The following SLC8A1 variants were observed in gnomAD, a reference collection of about 807,000 sequenced individuals.
The protein encoded by SLC8A1 is solute carrier family 8 member A1.
SLC8A1 carries 18 observed loss-of-function variants against 68.3 expected under a neutral mutation model. The ratio of observed to expected loss-of-function variants is 0.26; its 90% CI spans 0.18 to 0.39. The LOEUF is 0.39. Ranked by LOEUF, SLC8A1 falls within the 10% of genes least tolerant of loss-of-function variation. The pLI is 1.00. For synonymous variants in SLC8A1, 475 were observed against 415.5 expected (o/e 1.14, Z -1.74); for missense variants, 985 against 1,156.7 (o/e 0.85, Z 2.15).
intron 2 of SLC8A1, among the ~76,000 whole-genome samples, chr2:40,342,335 A>G (rs1020384014): frequency 6.6e-6 from 1 of 152,060 alleles, no homozygotes. Context: ...ATAAATGAAT[A>G]AGCTATTTGA....
At chr2:40,408,077 G>C (rs1254356316) in intron 2 of SLC8A1, among the ~76,000 whole-genome samples, 1 of 152,186 alleles carries the variant, frequency 6.6e-6, no homozygotes, top group African/African-American at 2.4e-5. Context: ...CAGCATGCCA[G>C]AATGTCAGTT....
chr2:40,120,130 G>A (rs1480015885), intron 7 of SLC8A1, among the ~76,000 whole-genome samples: 1 of 152,204 alleles, frequency 6.6e-6, no homozygotes, highest in East Asian at 1.9e-4. Flanking sequence ...TCACAGTCTT[G>A]CAGGATGGAT....
chr2:40,308,088 A>G (rs1326521802), intron 2 of SLC8A1, among the ~76,000 whole-genome samples: 1 of 152,206 alleles, frequency 6.6e-6, no homozygotes, highest in East Asian at 1.9e-4. Context: ...CTCAAGCCTA[A>G]GAAACCCCAT....
chr2:40,359,089 A>G (rs1271868147), intron 2 of SLC8A1, among the ~76,000 whole-genome samples: 1 of 152,136 alleles, frequency 6.6e-6, no homozygotes, highest in Non-Finnish European at 1.5e-5. Context: ...AAAAGAAGTG[A>G]AAGTGAAGCT....
At chr2:40,415,311 C>T (rs541552239) in intron 2 of SLC8A1, among the ~76,000 whole-genome samples, 36 of 152,080 alleles carry the variant, frequency 2.4e-4, no homozygotes, top group African/African-American at 7.0e-4. Flanking sequence ...TAATTGGTAA[C>T]GGTTTTGACT....
At chr2:40,361,893 T>G in intron 2 of SLC8A1, among the ~76,000 whole-genome samples, 1 of 109,076 alleles carries the variant, frequency 9.2e-6, no homozygotes, top group South Asian at 3.2e-4. Context: ...TTTCCTTTTT[T>G]TTTTTTTTTT....
intron 2 of SLC8A1, among the ~76,000 whole-genome samples, chr2:40,407,460 GTTTC>G (rs1018923705): frequency 2.0e-5 from 3 of 152,188 alleles, no homozygotes; most frequent in African/African-American, 7.2e-5. Flanking sequence ...AACGTCAGTG[GTTTC>G]TTTTTTATTG....
At chr2:40,430,369 C>T in intron 1 of SLC8A1, 65 bp from the exon 2 acceptor site, 1 of 1,442,982 alleles carries the variant, frequency 6.9e-7, no homozygotes, top group Non-Finnish European at 9.2e-7. Flanking sequence ...GCAGCCAAAG[C>T]ATTACTAATT....
intron 2 of SLC8A1, among the ~76,000 whole-genome samples, chr2:40,194,031 C>T (rs2052432519): frequency 6.6e-6 from 1 of 152,058 alleles, no homozygotes; most frequent in South Asian, 2.1e-4. Context: ...GTTCCTCTGC[C>T]AAGATCAATT....
At chr2:40,445,265 T>C (rs1460943897) in intron 1 of SLC8A1, among the ~76,000 whole-genome samples, 1 of 152,172 alleles carries the variant, frequency 6.6e-6, no homozygotes, top group South Asian at 2.1e-4. Flanking sequence ...CATGAATATG[T>C]CTGCTGACCT....
At chr2:40,192,082 CAAAT>C (rs557081224) in intron 2 of SLC8A1, among the ~76,000 whole-genome samples, 9 of 152,102 alleles carry the variant, frequency 5.9e-5, no homozygotes, top group East Asian at 1.9e-4. Context: ...ATATGGAAAA[CAAAT>C]AAAATAATTT....
chr2:40,356,155 T>C (rs1041311451), intron 2 of SLC8A1, among the ~76,000 whole-genome samples: 9 of 152,192 alleles, frequency 5.9e-5, no homozygotes, highest in Non-Finnish European at 1.2e-4. Flanking sequence ...CACCCCCAGT[T>C]AAACAGTTCC....
Position 40,464,455 on chromosome 2 carries a change from G to A in SLC8A1, c.-24-34151C>T, listed in dbSNP as rs1394973090. ...TACTGTGCACTCTATTAGGAGTTGT[G>A]AAGGAGAGGACCCATTTGTTTCTCC... On this transcript the variant is annotated intron_variant, in intron 1 of 7. Coordinates refer to the SLC8A1 transcript ENST00000402441. Among the ~76,000 whole-genome samples the A allele has an allele frequency of 3.1e-4, 47 of 152,210 alleles. 1 individual carries two copies. Among genetic ancestry groups the A allele is most frequent in the Non-Finnish European group, 1.5e-5 (1 of 68,038 alleles).
chr2:40,114,313 G>T (rs1247678959), exon 8 of SLC8A1: 1 of 152,780 alleles, frequency 6.5e-6, no homozygotes, highest in African/African-American at 2.4e-5. Flanking sequence ...GGCAACATGG[G>T]ACTGAGACAC....
chr2:40,462,071 A>G (rs1385842507), intron 1 of SLC8A1, among the ~76,000 whole-genome samples: 1 of 127,630 alleles, frequency 7.8e-6, no homozygotes, highest in East Asian at 2.8e-4. Context: ...CAGTGGCACA[A>G]TCTTGGCTCA....
At chr2:40,239,285 T>TG (rs1294832056) in intron 2 of SLC8A1, among the ~76,000 whole-genome samples, 5 of 152,206 alleles carry the variant, frequency 3.3e-5, no homozygotes, top group African/African-American at 1.2e-4. Context: ...CTCCTATTGT[T>TG]GATGGAAGTA....
chr2:40,170,974 A>T (rs889108564), intron 4 of SLC8A1, among the ~76,000 whole-genome samples: 3 of 152,152 alleles, frequency 2.0e-5, no homozygotes, highest in Admixed American at 6.5e-5. Context: ...AACTGTTTGG[A>T]TAACCTAGGG....
chr2:40,288,907 C>T (rs1444521104), intron 2 of SLC8A1, among the ~76,000 whole-genome samples: 1 of 140,564 alleles, frequency 7.1e-6, no homozygotes, highest in African/African-American at 2.9e-5. Flanking sequence ...ATAATGTTGC[C>T]TGGGCTGGTC....
intron 2 of SLC8A1, among the ~76,000 whole-genome samples, chr2:40,198,567 C>T (rs1381711065): frequency 1.3e-5 from 2 of 151,786 alleles, no homozygotes; most frequent in Non-Finnish European, 2.9e-5. Context: ...GTAAAACTGA[C>T]CCAGAGTATA....
Sources: gnomAD v4.1 joint callset for allele counts (sites outside exome capture counted in the v4.1 genomes callset) on GRCh38, gnomAD v4.1.1 for gene constraint, MANE v1.5 for transcripts, NCBI Gene and HGNC (gene_info 2026-07-23, HGNC 2026-07-21) for gene names.